RIC8B: variants seen among roughly 807,000 people sequenced by gnomAD.
RIC8B encodes chaperone Ric-8B.
A neutral mutation model predicts 57.5 loss-of-function variants in RIC8B; 16 were observed. That is an observed-to-expected ratio of 0.28 (90% CI 0.19 to 0.42). The LOEUF (loss-of-function observed/expected upper bound fraction) is 0.42. Among genes scored for constraint, RIC8B ranks in the 10% least tolerant of loss-of-function variants. The probability of loss-of-function intolerance (pLI) is 1.00; values close to 1 mark genes in which losing one functional copy is unlikely to be tolerated. For synonymous variants in RIC8B, 216 were observed against 250.8 expected, an observed-to-expected ratio of 0.86 and a Z score of 1.31; for missense variants, 481 against 677.0, an observed-to-expected ratio of 0.71 and a Z score of 3.21.
In RIC8B at chr12:106,889,232, A is replaced by T. The variant is rs1951309600; in HGVS notation, c.*3217A>T. 1 of 152,150 alleles carries T rather than the reference A, an allele frequency of 6.6e-6. No homozygotes were observed. The highest frequency in any genetic ancestry group is 1.5e-5 in the Non-Finnish European group (1 of 68,028). The allele number at this position is 152,150 out of a possible 1,614,324, so 9.4% of individuals were successfully genotyped here. A position where few individuals can be genotyped will look rare whatever the true frequency, so the allele number is the denominator to read the frequency against. ...TTTATTTTACTACAAGATTGGGATCATGCTGTATTTACAGATTTGTATCCT... is the reference window on the plus strand; with the variant it reads ...TTTATTTTACTACAAGATTGGGATCTTGCTGTATTTACAGATTTGTATCCT... On this transcript the variant is annotated 3_prime_UTR_variant, in exon 10 of 10. Coordinates refer to ENST00000392837, the MANE Select transcript of RIC8B (RefSeq NM_001330145.2).
intron 6 of RIC8B, among the ~76,000 whole-genome samples, chr12:106,850,835 A>G (rs1949439405): frequency 6.6e-6 from 1 of 152,150 alleles, no homozygotes; most frequent in Non-Finnish European, 1.5e-5. Flanking sequence ...ATGCTCCCAA[A>G]TCTGCAACTT....
At chr12:106,821,369 G>A (rs1243965671) in intron 3 of RIC8B, among the ~76,000 whole-genome samples, 2 of 152,204 alleles carry the variant, frequency 1.3e-5, no homozygotes, top group Non-Finnish European at 2.9e-5. Flanking sequence ...ACATTGAAGT[G>A]CAGTAGTGAA....
chr12:106,834,226 A>T lies in RIC8B; in HGVS notation c.837-8363A>T, dbSNP rs978420954. ...TTTTCTAAAACTAGTTTCTTGTCAG[A>T]TCTGTTTGGATTGTCCTTGTTTTGA... On this transcript the variant is annotated intron_variant, in intron 4 of 9. Coordinates refer to ENST00000392837, the MANE Select transcript of RIC8B (RefSeq NM_001330145.2). 2.0e-5 allele frequency among the ~76,000 whole-genome samples: 3 copies of T among 152,316 alleles called. No individual in the cohort carries two copies. In the East Asian group the frequency reaches 5.8e-4, roughly 29 times the overall value.
intron 9 of RIC8B, among the ~76,000 whole-genome samples, chr12:106,876,270 A>G (rs1271543363): frequency 6.6e-6 from 1 of 152,140 alleles, no homozygotes. Context: ...ACTTGGCACA[A>G]AAAAAGTAAA....
At chr12:106,866,692 TTAAAA>T (rs1345974047) in intron 8 of RIC8B, among the ~76,000 whole-genome samples, 1 of 152,128 alleles carries the variant, frequency 6.6e-6, no homozygotes, top group African/African-American at 2.4e-5. Context: ...CACAGTGTTC[TTAAAA>T]TAATTTAATT....
At chr12:106,851,077 C>T (rs528877165) in intron 6 of RIC8B, among the ~76,000 whole-genome samples, 12 of 152,150 alleles carry the variant, frequency 7.9e-5, no homozygotes, top group South Asian at 4.2e-4. Context: ...CAGTATGACT[C>T]GGGGTATTAG....
At chr12:106,823,493 C>T (rs537637339) in intron 3 of RIC8B, 87 of 453,400 alleles carry the variant, frequency 1.9e-4, no homozygotes, top group African/African-American at 1.6e-3. Context: ...ATGGAAAGAC[C>T]AAATGGATAG....
chr12:106,844,830 G>A (rs1292010185), intron 6 of RIC8B, among the ~76,000 whole-genome samples: 10 of 152,080 alleles, frequency 6.6e-5, no homozygotes, highest in Non-Finnish European at 1.3e-4. Context: ...TTGGAGTATG[G>A]GTTGAAAAAG....
At chr12:106,850,058 A>G (rs1949396878) in intron 6 of RIC8B, among the ~76,000 whole-genome samples, 1 of 152,236 alleles carries the variant, frequency 6.6e-6, no homozygotes. Context: ...CTGTCGTATC[A>G]GCTGGTGCAT....
chr12:106,810,305 AG>A (rs2045281463), intron 2 of RIC8B, among the ~76,000 whole-genome samples: 1 of 150,490 alleles, frequency 6.6e-6, no homozygotes, highest in African/African-American at 2.4e-5. Context: ...AAAAAAAAAA[AG>A]AAAGAAAAGA....
At chr12:106,784,099 G>A (rs1566030968) in intron 2 of RIC8B, 55 bp downstream of exon 2, 1 of 1,466,724 alleles carries the variant, frequency 6.8e-7, no homozygotes, top group Non-Finnish European at 9.5e-7. Context: ...TGCATTCATG[G>A]ACTTTCTAAG....
intron 9 of RIC8B, chr12:106,871,400 A>C (rs1043310680): frequency 2.6e-5 from 4 of 151,264 alleles, no homozygotes; most frequent in African/African-American, 4.9e-5. Context: ...GCACCCAATA[A>C]GAAAAAGTGA....
chr12:106,820,977 C>CA (rs1194762494), intron 3 of RIC8B, among the ~76,000 whole-genome samples: 1 of 152,200 alleles, frequency 6.6e-6, no homozygotes, highest in African/African-American at 2.4e-5. Flanking sequence ...TTTTCTCTCT[C>CA]AGCCTTTGAA....
intron 2 of RIC8B, among the ~76,000 whole-genome samples, chr12:106,812,833 T>C (rs916975351): frequency 6.6e-6 from 1 of 152,218 alleles, no homozygotes; most frequent in African/African-American, 2.4e-5. Context: ...TAGTAAAATA[T>C]TAAGAGAAAG....
chr12:106,776,155 C>T (rs1334562067), intron 1 of RIC8B, among the ~76,000 whole-genome samples: 1 of 152,188 alleles, frequency 6.6e-6, no homozygotes, highest in Non-Finnish European at 1.5e-5. Flanking sequence ...CGTTGTCCAA[C>T]TCCAAGTCCA....
At chr12:106,785,958 C>T (rs997968295) in intron 2 of RIC8B, among the ~76,000 whole-genome samples, 6 of 151,242 alleles carry the variant, frequency 4.0e-5, no homozygotes, top group Admixed American at 1.3e-4. Context: ...GTGATCCTCC[C>T]GCCCTAGGCT....
intron 4 of RIC8B, among the ~76,000 whole-genome samples, chr12:106,834,749 C>T (rs184524712): frequency 4.2e-4 from 64 of 151,826 alleles, no homozygotes; most frequent in Middle Eastern, 6.8e-3. Flanking sequence ...TTTGGGAGGC[C>T]GAGGCAGGCA....
chr12:106,846,945 A>G (rs1691610578), intron 6 of RIC8B, among the ~76,000 whole-genome samples: 1 of 152,212 alleles, frequency 6.6e-6, no homozygotes, highest in African/African-American at 2.4e-5. Flanking sequence ...GTAGACTGTT[A>G]TGATCAAGAA....
intron 2 of RIC8B, among the ~76,000 whole-genome samples, chr12:106,791,620 G>A (rs1041399002): frequency 1.3e-5 from 2 of 152,102 alleles, no homozygotes; most frequent in African/African-American, 4.8e-5. Flanking sequence ...AGACACAAAT[G>A]TATTTAGCAT....
Sources: gnomAD v4.1 joint callset for allele counts (sites outside exome capture counted in the v4.1 genomes callset) on GRCh38, gnomAD v4.1.1 for gene constraint, MANE v1.5 for transcripts, NCBI Gene and HGNC (gene_info 2026-07-23, HGNC 2026-07-21) for gene names.